Variants in IQGAP1 observed in about 807,000 individuals in gnomAD.
IQGAP1 encodes the protein ras GTPase-activating-like protein IQGAP1.
In IQGAP1, 66 loss-of-function variants were observed where a neutral mutation model predicts 215.6. The observed-to-expected ratio is 0.31, with a 90% confidence interval of 0.25 to 0.38. The LOEUF (loss-of-function observed/expected upper bound fraction) is 0.38. Ranked by LOEUF, IQGAP1 falls within the 10% of genes least tolerant of loss-of-function variation. The pLI is 1.00. For synonymous variants in IQGAP1, 772 were observed against 728.7 expected, an observed-to-expected ratio of 1.06 and a Z score of -0.96; for missense variants, 1,712 against 1,997.1, an observed-to-expected ratio of 0.86 and a Z score of 2.72.
intron 17 of IQGAP1, among the ~76,000 whole-genome samples, 162 bp from the exon 18 acceptor site, chr15:90,467,288 A>G (rs1938086006): frequency 6.6e-6 from 1 of 152,160 alleles, no homozygotes; most frequent in South Asian, 2.1e-4. Context: ...CCATAATTTA[A>G]TGGGAGCTTA....
At chr15:90,458,411 A>C (rs1965716580) in intron 15 of IQGAP1, among the ~76,000 whole-genome samples, 1 of 152,166 alleles carries the variant, frequency 6.6e-6, no homozygotes, top group Admixed American at 6.5e-5. Flanking sequence ...TCTTCAATCT[A>C]CTTCCCTTTT....
chr15:90,462,958 G>A (rs1965783464), intron 15 of IQGAP1, among the ~76,000 whole-genome samples: 1 of 152,002 alleles, frequency 6.6e-6, no homozygotes, highest in Admixed American at 6.6e-5. Flanking sequence ...TAATCTTTAG[G>A]TAATCTCTTT....
chr15:90,493,008 C>T (rs1312495999), intron 35 of IQGAP1, among the ~76,000 whole-genome samples: 5 of 151,960 alleles, frequency 3.3e-5, no homozygotes, highest in African/African-American at 4.8e-5. Context: ...TTTGGGAGGC[C>T]GAGGCGGGTG....
intron 23 of IQGAP1, 36 bp from the exon 24 acceptor site, chr15:90,476,627 A>T: frequency 6.6e-7 from 1 of 1,506,824 alleles, no homozygotes. Context: ...TCATCTTTGA[A>T]AGCTTTCTGA....
At chr15:90,456,090 A>T in intron 14 of IQGAP1, 62 bp from the exon 15 acceptor site, 1 of 1,413,696 alleles carries the variant, frequency 7.1e-7, no homozygotes, top group Non-Finnish European at 9.8e-7. Context: ...ATGTTCCATG[A>T]TTGATTTGTT....
At chr15:90,459,041 C>T (rs1355420835) in intron 15 of IQGAP1, among the ~76,000 whole-genome samples, 1 of 152,190 alleles carries the variant, frequency 6.6e-6, no homozygotes, top group Non-Finnish European at 1.5e-5. Flanking sequence ...CTCCAATACA[C>T]TAAAGCCTTG....
chr15:90,482,033 A>G lies in IQGAP1; in HGVS notation c.3403A>G (p.Ile1135Val). 1 of 1,614,246 alleles carries G rather than the reference A, an allele frequency of 6.2e-7. No homozygotes were observed. The highest frequency in any genetic ancestry group is 1.7e-5 in the Admixed American group (1 of 60,028). Residue 1135 changes from isoleucine to valine, a missense_variant, in exon 27 of 38, where the codon ATC (isoleucine) becomes GTC (valine). Ile to Val is a conservative substitution (Grantham distance 29). Transcript: ENST00000268182. Reference protein sequence around the residue: ...EEVKTRLDSSIRNMRAVTDKF... With the variant: ...EEVKTRLDSSVRNMRAVTDKF... ...AGTGAAGACACGGCTAGACAGCTCC[A>G]TCAGGAACATGCGGGCTGTGACAGA...
At chr15:90,399,994 A>G (rs1311851479) in intron 2 of IQGAP1, among the ~76,000 whole-genome samples, 3 of 152,038 alleles carry the variant, frequency 2.0e-5, no homozygotes, top group Admixed American at 2.0e-4. Context: ...CTTAATTTTA[A>G]CTCTATGACA....
chr15:90,499,614 T>G (rs1041177679), intron 37 of IQGAP1, among the ~76,000 whole-genome samples: 5 of 152,234 alleles, frequency 3.3e-5, no homozygotes, highest in African/African-American at 7.2e-5. Context: ...TTATTAAAAC[T>G]AGTGACCCAT....
Position 90,452,647 on chromosome 15 carries a change from G to A in IQGAP1, c.1163-128G>A, listed in dbSNP as rs1362201171. The A allele has an allele frequency of 1.5e-5, 16 of 1,047,752 alleles. No individual in the cohort carries two copies. In the East Asian group the frequency reaches 2.7e-4, roughly 18 times the overall value. The allele number at this position is 1,047,752 out of a possible 1,614,324, so 64.9% of individuals were successfully genotyped here. A position where few individuals can be genotyped will look rare whatever the true frequency, so the allele number is the denominator to read the frequency against. On this transcript the variant is annotated intron_variant, in intron 11 of 37. Coordinates refer to ENST00000268182, the MANE Select transcript of IQGAP1 (RefSeq NM_003870.4). ...CAAAGGAGGCTGCTTTTTTAAAGAC[G>A]AAAGTTCCACTTCAAACTTCATGGC...
rs781368462 is a variant in IQGAP1, at chr15:90,474,710, G to A, written c.2784+17G>A. ...ACGTTGCAGGTATGGCCCAGTGCCA[G>A]CGGGGGCCTTGGAACGGTTCATCCT... On this transcript the variant is annotated intron_variant, in intron 23 of 37. Transcript: ENST00000268182. The A allele has an allele frequency of 1.3e-5, 21 of 1,583,732 alleles. No individual in the cohort carries two copies. In the East Asian group the frequency reaches 4.7e-4, roughly 35 times the overall value.
At chr15:90,484,572 G>A (rs1292147332) in intron 30 of IQGAP1, among the ~76,000 whole-genome samples, 1 of 151,858 alleles carries the variant, frequency 6.6e-6, no homozygotes, top group Non-Finnish European at 1.5e-5. Context: ...GCAGTGGCGC[G>A]ATCTCGGCTC....
chr15:90,497,975 A>T (rs1029051391), intron 37 of IQGAP1, among the ~76,000 whole-genome samples: 18 of 152,200 alleles, frequency 1.2e-4, no homozygotes, highest in African/African-American at 2.4e-4. Context: ...TCACACAGCC[A>T]TGCCCTGCCA....
In IQGAP1 at chr15:90,501,763, G is replaced by C. The variant is rs1313989429; in HGVS notation, c.*1655G>C. The C allele has an allele frequency of 1.3e-5, 2 of 152,172 alleles. No individual in the cohort carries two copies. The highest frequency in any genetic ancestry group is 2.9e-5 in the Non-Finnish European group (2 of 68,032). The allele number at this position is 152,172 out of a possible 1,614,324, so 9.4% of individuals were successfully genotyped here. A position where few individuals can be genotyped will look rare whatever the true frequency, so the allele number is the denominator to read the frequency against. On this transcript the variant is annotated 3_prime_UTR_variant, in exon 38 of 38. Coordinates refer to ENST00000268182, the MANE Select transcript of IQGAP1 (RefSeq NM_003870.4). ...TTAAAAGATGATGCTATTACAACTA[G>C]CATTGCCTCAAAAACTGGGACCAAC...
chr15:90,390,636 A>G lies in IQGAP1; in HGVS notation c.56-138A>G, dbSNP rs1964622422. On this transcript the variant is annotated intron_variant, in intron 1 of 37. Transcript: ENST00000268182. Reference sequence around the variant, plus strand: ...GTTCTTTTTTTAAGAAAGTCATTGTAGTACACCTGGCTGGCTACACACTCA... The same window carrying G: ...GTTCTTTTTTTAAGAAAGTCATTGTGGTACACCTGGCTGGCTACACACTCA... 4 of 581,016 alleles carry G rather than the reference A, an allele frequency of 6.9e-6. No individual in the cohort carries two copies. In the Admixed American group the frequency reaches 1.2e-4, roughly 17 times the overall value. The allele number at this position is 581,016 out of a possible 1,614,324, so 36.0% of individuals were successfully genotyped here.
intron 33 of IQGAP1, among the ~76,000 whole-genome samples, chr15:90,487,852 G>A (rs1352893931): frequency 1.3e-5 from 2 of 152,060 alleles, no homozygotes; most frequent in African/African-American, 4.8e-5. Context: ...ATCCACAGGC[G>A]ATTCTTTCCA....
intron 29 of IQGAP1, among the ~76,000 whole-genome samples, chr15:90,484,000 CT>C (rs1966092630): frequency 6.6e-6 from 1 of 152,114 alleles, no homozygotes; most frequent in Non-Finnish European, 1.5e-5. Flanking sequence ...TGCAATGGTT[CT>C]TATGGGTAAA....
chr15:90,497,324 T>C lies in IQGAP1; in HGVS notation c.4844T>C (p.Phe1615Ser). The C allele has an allele frequency of 6.3e-7, 1 of 1,589,494 alleles. No homozygotes were observed. Among genetic ancestry groups the C allele is most frequent in the Non-Finnish European group, 8.6e-7 (1 of 1,157,832 alleles). Residue 1615 changes from phenylalanine to serine, a missense_variant, in exon 37 of 38, where the codon TTT (phenylalanine) becomes TCT (serine). Phe to Ser is a radical substitution (Grantham distance 155). Coordinates refer to ENST00000268182, the MANE Select transcript of IQGAP1 (RefSeq NM_003870.4). ...TTCATGGGAGTTCAAATGGAGACTT[T>C]TATGTTACATTATCAGGTGGGTATG... ...AKFMGVQMET[F>S]MLHYQDLLQL...
At position 90,500,006 on chromosome 15, in the gene IQGAP1, G is replaced by A. The variant is rs768194083; in HGVS notation, c.4872G>A (p.Gln1624=). The change falls in exon 38 of 38, where the codon CAG becomes CAA. Residue 1624 remains glutamine (Q), a synonymous_variant. Coordinates refer to ENST00000268182, the MANE Select transcript of IQGAP1 (RefSeq NM_003870.4). The stretch of plus-strand genomic sequence containing the variant: ...TGTTTTGTTAATAGGACCTGCTGCA[G>A]CTACAGTATGAAGGAGTTGCAGTCA... The part of the protein sequence containing the change: ...TFMLHYQDLL[Q]LQYEGVAVMK... 22 of 1,594,976 alleles carry A rather than the reference G, an allele frequency of 1.4e-5. No individual in the cohort carries two copies. The Admixed American group carries it at 3.5e-4, about 25-fold the overall frequency.
Sources: gnomAD v4.1 joint callset for allele counts (sites outside exome capture counted in the v4.1 genomes callset) on GRCh38, gnomAD v4.1.1 for gene constraint, MANE v1.5 for transcripts, NCBI Gene and HGNC (gene_info 2026-07-23, HGNC 2026-07-21) for gene names.